The following SLC4A4 variants were observed in gnomAD, a reference collection of about 807,000 sequenced individuals.
SLC4A4 encodes the protein electrogenic sodium bicarbonate cotransporter 1.
In SLC4A4, 27 loss-of-function variants were observed where a neutral mutation model predicts 111.5. That is an observed-to-expected ratio of 0.24 (90% CI 0.18 to 0.33). SLC4A4 has a LOEUF of 0.33. Ranked by LOEUF, SLC4A4 falls within the 10% of genes least tolerant of loss-of-function variation. The pLI is 1.00. For missense variants in SLC4A4, 909 were observed against 1,315.5 expected (o/e 0.69, Z 4.78); for synonymous variants, 443 against 463.4 (o/e 0.96, Z 0.57).
chr4:71,370,565 C>T (rs1731772730), intron 6 of SLC4A4, among the ~76,000 whole-genome samples: 3 of 152,092 alleles, frequency 2.0e-5, no homozygotes, highest in African/African-American at 4.8e-5. Flanking sequence ...ACTCTTTTAC[C>T]GTAAACCTGG....
At position 71,356,112 on chromosome 4, in the gene SLC4A4, A is replaced by T. The variant is rs542202639; in HGVS notation, c.551-896A>T. On this transcript the variant is annotated intron_variant, in intron 5 of 25. Transcript: ENST00000264485. Reference sequence around the variant, plus strand: ...AGATAAATGTTGGCCTGTCATGTAGATGTAGAGTAGAATGTACCAGGCTTC... The same window carrying T: ...AGATAAATGTTGGCCTGTCATGTAGTTGTAGAGTAGAATGTACCAGGCTTC... Among the ~76,000 whole-genome samples, 6 of 152,298 alleles carry T rather than the reference A, an allele frequency of 3.9e-5. No homozygotes were observed. In the South Asian group the frequency reaches 1.2e-3, roughly 32 times the overall value.
At position 71,560,003 on chromosome 4, in the gene SLC4A4, T is replaced by C. The variant is rs914643931; in HGVS notation, c.2938-90T>C. ...TCTATCTAGCCTTACACAAAGTAGGTTTCTGTGGTCTTTGATAGGAGAGTA... is the reference window on the plus strand; with the variant it reads ...TCTATCTAGCCTTACACAAAGTAGGCTTCTGTGGTCTTTGATAGGAGAGTA... On this transcript the variant is annotated intron_variant, in intron 22 of 25. Transcript: ENST00000264485. 3.7e-5 allele frequency: 36 copies of C among 979,850 alleles called. No individual in the cohort carries two copies. The Admixed American group carries it at 6.2e-4, about 17-fold the overall frequency. The allele number at this position is 979,850 out of a possible 1,614,324, so 60.7% of individuals were successfully genotyped here.
intron 1 of SLC4A4, among the ~76,000 whole-genome samples, chr4:71,092,664 T>C (rs1310363842): frequency 2.0e-5 from 3 of 152,246 alleles, no homozygotes; most frequent in African/African-American, 4.8e-5. Context: ...TGAGGTATCA[T>C]ACTATCACTA....
intron 3 of SLC4A4, among the ~76,000 whole-genome samples, chr4:71,284,450 C>T (rs982464455): frequency 7.9e-5 from 12 of 152,278 alleles, no homozygotes; most frequent in Non-Finnish European, 1.6e-4. Context: ...AGTTAGCCTT[C>T]CTGAGATTTT....
chr4:71,343,690 T>C (rs1729072017), intron 4 of SLC4A4, among the ~76,000 whole-genome samples: 1 of 152,222 alleles, frequency 6.6e-6, no homozygotes, highest in African/African-American at 2.4e-5. Flanking sequence ...ACAACTCTAG[T>C]TCATCCCATC....
chr4:71,494,696 G>A (rs568498141), intron 15 of SLC4A4, among the ~76,000 whole-genome samples: 61 of 152,088 alleles, frequency 4.0e-4, no homozygotes, highest in South Asian at 2.9e-3. Flanking sequence ...CAAAACCATA[G>A]AGATGTGAGA....
intron 16 of SLC4A4, among the ~76,000 whole-genome samples, chr4:71,525,907 C>T (rs1733373834): frequency 6.6e-6 from 1 of 151,982 alleles, no homozygotes; most frequent in Non-Finnish European, 1.5e-5. Context: ...AAATCACATA[C>T]TCTTCTTTTC....
rs1726968257 is a variant in SLC4A4, at chr4:71,462,825, C to A, written c.1498-3619C>A. On this transcript the variant is annotated intron_variant, in intron 12 of 25. Coordinates refer to ENST00000264485, the MANE Select transcript of SLC4A4 (RefSeq NM_001098484.3). ...ATACATTATCTATCTAATGTGCATA[C>A]TAACTCCAGGAAGCATAGGTAGGTT... Among the ~76,000 whole-genome samples the A allele has an allele frequency of 3.3e-5, 5 of 152,286 alleles. No homozygotes were observed. The South Asian group carries it at 8.3e-4, about 25-fold the overall frequency.
At chr4:71,374,301 A>G (rs149366436) in intron 6 of SLC4A4, among the ~76,000 whole-genome samples, 1 of 152,214 alleles carries the variant, frequency 6.6e-6, no homozygotes, top group Non-Finnish European at 1.5e-5. Context: ...TTCCACGTAT[A>G]TTTTTGGCCT....
chr4:71,474,170 T>C (rs1478833847), intron 14 of SLC4A4, among the ~76,000 whole-genome samples: 1 of 150,858 alleles, frequency 6.6e-6, no homozygotes, highest in Admixed American at 6.6e-5. Flanking sequence ...GACAATTACA[T>C]GTTAGTAGCA....
At chr4:71,115,350 AAAAT>A (rs1177688207) in intron 2 of SLC4A4, among the ~76,000 whole-genome samples, 2 of 152,276 alleles carry the variant, frequency 1.3e-5, no homozygotes, top group African/African-American at 2.4e-5. Flanking sequence ...AAAAAATAAA[AAAAT>A]AAATAAAAAA....
At chr4:71,162,182 T>C (rs796230622) in intron 2 of SLC4A4, among the ~76,000 whole-genome samples, 4 of 152,322 alleles carry the variant, frequency 2.6e-5, no homozygotes, top group African/African-American at 7.2e-5. Context: ...ATTTTGGTGC[T>C]GTAAATTGTG....
At chr4:71,361,890 T>A (rs191830959) in intron 6 of SLC4A4, among the ~76,000 whole-genome samples, 135 of 152,334 alleles carry the variant, frequency 8.9e-4, no homozygotes, top group Non-Finnish European at 1.5e-3. Context: ...AAATATTTAG[T>A]AAGATGTTTA....
chr4:71,312,886 C>A (rs1288257885), intron 3 of SLC4A4, among the ~76,000 whole-genome samples: 1 of 152,186 alleles, frequency 6.6e-6, no homozygotes, highest in African/African-American at 2.4e-5. Context: ...CCTCTCTCAC[C>A]ACTCCTATTC....
chr4:71,203,690 A>C (rs959858737), intron 1 of SLC4A4, among the ~76,000 whole-genome samples: 6 of 152,186 alleles, frequency 3.9e-5, no homozygotes, highest in African/African-American at 1.4e-4. Flanking sequence ...TAAGAAGGAA[A>C]ATCTGTTGAT....
chr4:71,138,284 A>AT (rs540742998), intron 2 of SLC4A4, among the ~76,000 whole-genome samples: 3 of 152,112 alleles, frequency 2.0e-5, no homozygotes, highest in Non-Finnish European at 2.9e-5. Context: ...TCACTAATCA[A>AT]TTTTTTTTAA....
At chr4:71,453,449 G>T in intron 11 of SLC4A4, 46 bp from the exon 12 acceptor site, 3 of 1,554,272 alleles carry the variant, frequency 1.9e-6, no homozygotes, top group South Asian at 1.1e-5. Context: ...TAATTTGATG[G>T]TAATTTACTT....
In SLC4A4 at chr4:71,069,001, C is replaced by G. The variant is rs934657890; in HGVS notation, c.-65+6213C>G. 5.9e-5 allele frequency among the ~76,000 whole-genome samples: 9 copies of G among 152,190 alleles called. No homozygotes were observed. In the East Asian group the frequency reaches 1.5e-3, roughly 26 times the overall value. ...ACAGTTGTGATGTGTTGCTGCATCCCAAAGACAGACATTCCCAACTGGTTC... is the reference window on the plus strand; with the variant it reads ...ACAGTTGTGATGTGTTGCTGCATCCGAAAGACAGACATTCCCAACTGGTTC... On this transcript the variant is annotated intron_variant, in intron 1 of 26. Transcript: ENST00000649996.
chr4:71,557,998 T>C, intron 22 of SLC4A4, 113 bp downstream of exon 22: 1 of 850,626 alleles, frequency 1.2e-6, no homozygotes, highest in Non-Finnish European at 1.9e-6. Flanking sequence ...TTTCCAGCTT[T>C]GACCTCATCA....
Sources: gnomAD v4.1 joint callset for allele counts (sites outside exome capture counted in the v4.1 genomes callset) on GRCh38, gnomAD v4.1.1 for gene constraint, MANE v1.5 for transcripts, NCBI Gene and HGNC (gene_info 2026-07-23, HGNC 2026-07-21) for gene names.